The following NUDCD1 variants were observed in gnomAD, a reference collection of about 807,000 sequenced individuals.
NUDCD1 encodes NudC domain containing 1.
A neutral mutation model predicts 67.8 loss-of-function variants in NUDCD1; 60 were observed. The ratio of observed to expected loss-of-function variants is 0.88; its 90% CI spans 0.72 to 1.10. The LOEUF (loss-of-function observed/expected upper bound fraction) is 1.10. Ranked by LOEUF, NUDCD1 falls within the 50% of genes least tolerant of loss-of-function variation. The pLI is 0.00. For missense variants in NUDCD1, 643 were observed against 695.0 expected (o/e 0.93, Z 0.84); for synonymous variants, 244 against 230.8 (o/e 1.06, Z -0.52).
intron 8 of NUDCD1, among the ~76,000 whole-genome samples, chr8:109,263,522 C>T (rs1001927442): frequency 2.6e-5 from 4 of 152,188 alleles, no homozygotes; most frequent in African/African-American, 9.7e-5. Flanking sequence ...TTCCTGTCTC[C>T]TACCAGAATC....
chr8:109,302,274 C>A (rs1316669063), intron 2 of NUDCD1, among the ~76,000 whole-genome samples: 2 of 152,126 alleles, frequency 1.3e-5, no homozygotes, highest in Admixed American at 6.6e-5. Context: ...CTAGATAATT[C>A]TTCTCATAAA....
intron 8 of NUDCD1, among the ~76,000 whole-genome samples, chr8:109,264,851 C>T (rs576212985): frequency 0.011 from 1,563 of 143,564 alleles, 36 homozygotes; most frequent in African/African-American, 0.037. Flanking sequence ...ATTCCTCCTA[C>T]TTTTTTTTTT....
chr8:109,246,484 T>TA (rs1448578230), intron 8 of NUDCD1, among the ~76,000 whole-genome samples: 6 of 152,322 alleles, frequency 3.9e-5, no homozygotes, highest in African/African-American at 1.4e-4. Context: ...ACGTACTGCT[T>TA]AATTAAAGTA....
chr8:109,244,909 C>G (rs987580014), intron 9 of NUDCD1, among the ~76,000 whole-genome samples: 1 of 152,046 alleles, frequency 6.6e-6, no homozygotes, highest in South Asian at 2.1e-4. Flanking sequence ...AAGATGTCTC[C>G]TAATGTGCAT....
Position 109,334,039 on chromosome 8 carries a change from A to T in NUDCD1, c.-29T>A, listed in dbSNP as rs368243938. 39 of 1,613,690 alleles carry T rather than the reference A, an allele frequency of 2.4e-5. No individual in the cohort carries two copies. The highest frequency in any genetic ancestry group is 3.3e-5 in the Non-Finnish European group (39 of 1,179,830). On this transcript the variant is annotated 5_prime_UTR_variant, in exon 1 of 10. Coordinates refer to ENST00000239690, the MANE Select transcript of NUDCD1 (RefSeq NM_032869.4). Reference sequence around the variant, plus strand: ...TTTCCAGGGCCGCAGCGTGAGAATTAATAAAGCCCTTGTTGAAAGGTCCGC... The same window carrying T: ...TTTCCAGGGCCGCAGCGTGAGAATTTATAAAGCCCTTGTTGAAAGGTCCGC...
In NUDCD1 at chr8:109,321,143, C is replaced by T. The variant is rs117354369; in HGVS notation, c.273+1166G>A. On this transcript the variant is annotated intron_variant, in intron 2 of 9. Coordinates refer to ENST00000239690, the MANE Select transcript of NUDCD1 (RefSeq NM_032869.4). ...TTTTAGCAAGTGATAATATTAAACA[C>T]GCAAATCAGACAGACTACTCTGTAG... Among the ~76,000 whole-genome samples the T allele has an allele frequency of 1.7e-3, 261 of 152,230 alleles. 4 individuals carry two copies. In the East Asian group the frequency reaches 0.043, roughly 25 times the overall value.
At chr8:109,244,456 C>T (rs543221158) in intron 9 of NUDCD1, among the ~76,000 whole-genome samples, 5 of 151,964 alleles carry the variant, frequency 3.3e-5, no homozygotes, top group Non-Finnish European at 7.4e-5. Context: ...AGTAGGGAGG[C>T]TAAAAATTAT....
intron 1 of NUDCD1, among the ~76,000 whole-genome samples, chr8:109,331,312 C>G (rs754014397): frequency 1.3e-5 from 2 of 151,170 alleles, no homozygotes; most frequent in Non-Finnish European, 2.9e-5. Context: ...CCAGCCTCAA[C>G]GACAGAGACT....
intron 8 of NUDCD1, among the ~76,000 whole-genome samples, chr8:109,261,106 T>A (rs1256269107): frequency 2.0e-5 from 3 of 152,192 alleles, no homozygotes; most frequent in Non-Finnish European, 2.9e-5. Context: ...TTGTAATTTT[T>A]AAAAATCTAG....
intron 2 of NUDCD1, among the ~76,000 whole-genome samples, chr8:109,321,161 C>T (rs1815524398): frequency 6.6e-6 from 1 of 152,164 alleles, no homozygotes; most frequent in South Asian, 2.1e-4. Context: ...AGACAGACTA[C>T]TCTGTAGATG....
At chr8:109,312,428 G>A (rs1213117687) in intron 2 of NUDCD1, among the ~76,000 whole-genome samples, 3 of 151,940 alleles carry the variant, frequency 2.0e-5, no homozygotes. Flanking sequence ...AAAGTGCCAT[G>A]TTGGTGGGAA....
rs1225918844 is a variant in NUDCD1 at position 109,241,900 on chromosome 8, T to C, written c.*1109A>G. The C allele has an allele frequency of 5.1e-6, 2 of 392,826 alleles. No homozygotes were observed. Among genetic ancestry groups the C allele is most frequent in the Non-Finnish European group, 9.0e-6 (2 of 222,810 alleles). 24.3% of individuals were successfully genotyped at this position (392,826 alleles called of 1,614,324 possible). On this transcript the variant is annotated 3_prime_UTR_variant, in exon 10 of 10. Coordinates refer to ENST00000239690, the MANE Select transcript of NUDCD1 (RefSeq NM_032869.4). ...ATAAGATACATATCTTGAAATGGTA[T>C]AAAAAGTAATAAAAATTTCCAGGTA...
At chr8:109,264,694 T>C (rs190624989) in intron 8 of NUDCD1, among the ~76,000 whole-genome samples, 4 of 152,296 alleles carry the variant, frequency 2.6e-5, no homozygotes, top group Admixed American at 1.3e-4. Context: ...TAAGTATCCC[T>C]TTCTTTCCAG....
chr8:109,286,534 G>T, intron 5 of NUDCD1, among the ~76,000 whole-genome samples: 1 of 152,084 alleles, frequency 6.6e-6, no homozygotes. Flanking sequence ...ATAGGGAAAG[G>T]AGTCCCTATT....
rs758019264 is a variant in NUDCD1, at chr8:109,334,061, C to T, written c.-51G>A. The T allele has an allele frequency of 1.4e-5, 22 of 1,610,368 alleles. No homozygotes were observed. The highest frequency in any genetic ancestry group is 2.7e-5 in the African/African-American group (2 of 74,810). On this transcript the variant is annotated 5_prime_UTR_variant, in exon 1 of 10. Coordinates refer to ENST00000239690, the MANE Select transcript of NUDCD1 (RefSeq NM_032869.4). Reference sequence around the variant, plus strand: ...ATTAATAAAGCCCTTGTTGAAAGGTCCGCGCTTCACGCCTCGCACAGAGAC... The same window carrying T: ...ATTAATAAAGCCCTTGTTGAAAGGTTCGCGCTTCACGCCTCGCACAGAGAC...
At chr8:109,256,827 A>C (rs1813751564) in intron 8 of NUDCD1, among the ~76,000 whole-genome samples, 1 of 152,134 alleles carries the variant, frequency 6.6e-6, no homozygotes, top group Admixed American at 6.5e-5. Flanking sequence ...TCTGAACCCG[A>C]TGAGGATATA....
At chr8:109,258,822 T>C (rs962000593) in intron 8 of NUDCD1, among the ~76,000 whole-genome samples, 1 of 152,108 alleles carries the variant, frequency 6.6e-6, no homozygotes. Context: ...CAACTAAAAG[T>C]ATATCTTTTC....
At chr8:109,273,859 A>C (rs189760311) in intron 7 of NUDCD1, among the ~76,000 whole-genome samples, 1 of 152,238 alleles carries the variant, frequency 6.6e-6, no homozygotes, top group African/African-American at 2.4e-5. Context: ...ATGGCAAAAA[A>C]CAAAACAACA....
intron 6 of NUDCD1, among the ~76,000 whole-genome samples, chr8:109,280,361 TG>T (rs1314144578): frequency 1.3e-5 from 2 of 152,204 alleles, no homozygotes; most frequent in Non-Finnish European, 2.9e-5. Context: ...TTGCCTAGGC[TG>T]GTCACAAACT....
Sources: allele counts gnomAD v4.1 joint callset (sites outside exome capture counted in the v4.1 genomes callset), GRCh38; gene constraint gnomAD v4.1.1; transcripts MANE v1.5; gene names NCBI Gene and HGNC (gene_info 2026-07-23, HGNC 2026-07-21).